GRID1: variants seen among roughly 807,000 people sequenced by gnomAD.
GRID1 encodes glutamate ionotropic receptor delta type subunit 1.
Under a neutral mutation model 98.0 loss-of-function variants are expected in GRID1, and 28 were observed. That is an observed-to-expected ratio of 0.29 (90% CI 0.21 to 0.39). The LOEUF (loss-of-function observed/expected upper bound fraction) is 0.39, where lower values mean the gene tolerates loss of function less well. GRID1 is among the 10% of genes least tolerant of loss of function. GRID1 has a pLI of 1.00. For synonymous variants in GRID1, 553 were observed against 538.5 expected (o/e 1.03, Z -0.37); for missense variants, 1,111 against 1,340.5 (o/e 0.83, Z 2.67).
intron 8 of GRID1, among the ~76,000 whole-genome samples, chr10:85,787,387 A>G (rs1842439175): frequency 6.6e-6 from 1 of 152,148 alleles, no homozygotes; most frequent in Non-Finnish European, 1.5e-5. Context: ...GACCCAGTTC[A>G]TAAGAGGTCC....
intron 4 of GRID1, among the ~76,000 whole-genome samples, chr10:85,943,973 T>C (rs1842025304): frequency 6.6e-6 from 1 of 152,234 alleles, no homozygotes; most frequent in Non-Finnish European, 1.5e-5. Context: ...CACTGGGGCT[T>C]GTCCTATCTT....
intron 12 of GRID1, among the ~76,000 whole-genome samples, chr10:85,705,884 A>G (rs1841510760): frequency 1.3e-5 from 2 of 152,240 alleles, no homozygotes. Flanking sequence ...CAATAGATGC[A>G]GAAAAGGCCT....
intron 4 of GRID1, among the ~76,000 whole-genome samples, chr10:86,052,789 A>C (rs889182465): frequency 2.0e-5 from 3 of 152,256 alleles, no homozygotes; most frequent in Non-Finnish European, 4.4e-5. Context: ...AAGGCATACA[A>C]TTATACACCA....
chr10:86,208,059 T>C (rs1413995066), intron 2 of GRID1, among the ~76,000 whole-genome samples: 2 of 151,970 alleles, frequency 1.3e-5, no homozygotes, highest in African/African-American at 4.8e-5. Context: ...ATGCCTCAGA[T>C]AAGGCTGGGA....
intron 8 of GRID1, among the ~76,000 whole-genome samples, chr10:85,767,122 C>T (rs760770132): frequency 4.6e-5 from 7 of 152,130 alleles, no homozygotes; most frequent in Middle Eastern, 3.2e-3. Flanking sequence ...TCCCAGAACT[C>T]GAGATCAGGA....
chr10:86,196,765 T>G (rs1464330047), intron 3 of GRID1, among the ~76,000 whole-genome samples: 2 of 152,074 alleles, frequency 1.3e-5, no homozygotes, highest in Non-Finnish European at 2.9e-5. Context: ...AGGAGGAAGG[T>G]ATAGACAGAA....
chr10:85,982,535 C>T (rs768597290), intron 4 of GRID1, among the ~76,000 whole-genome samples: 6 of 152,086 alleles, frequency 3.9e-5, no homozygotes, highest in African/African-American at 7.2e-5. Flanking sequence ...GGGAGTATTG[C>T]GGGAGTATTG....
At chr10:86,023,696 T>C (rs1843079440) in intron 4 of GRID1, among the ~76,000 whole-genome samples, 1 of 152,138 alleles carries the variant, frequency 6.6e-6, no homozygotes. Context: ...TCCTGACTTC[T>C]TGTGCTCCCT....
intron 5 of GRID1, among the ~76,000 whole-genome samples, chr10:85,891,341 T>C (rs1168137925): frequency 6.6e-6 from 1 of 152,170 alleles, no homozygotes; most frequent in Non-Finnish European, 1.5e-5. Flanking sequence ...TTCTGGAGTT[T>C]ATAGCCCTGT....
At chr10:86,317,622 G>A (rs1445309989) in intron 2 of GRID1, among the ~76,000 whole-genome samples, 5 of 152,138 alleles carry the variant, frequency 3.3e-5, no homozygotes, top group South Asian at 4.1e-4. Flanking sequence ...CCCTACACTC[G>A]ATTCTCTCAG....
chr10:86,363,036 G>T (rs557372585), intron 2 of GRID1, among the ~76,000 whole-genome samples: 1 of 152,404 alleles, frequency 6.6e-6, no homozygotes, highest in East Asian at 1.9e-4. Context: ...CTTAAGCCGG[G>T]TAAGTGTCAG....
intron 13 of GRID1, among the ~76,000 whole-genome samples, chr10:85,634,007 A>T (rs1290377202): frequency 6.6e-6 from 1 of 152,074 alleles, no homozygotes; most frequent in Non-Finnish European, 1.5e-5. Flanking sequence ...CCCTGTCTCT[A>T]CTAAAAACAC....
chr10:85,682,853 T>G (rs1019802105), intron 12 of GRID1, among the ~76,000 whole-genome samples: 5 of 152,212 alleles, frequency 3.3e-5, no homozygotes, highest in African/African-American at 1.2e-4. Context: ...AGCCTGCCTG[T>G]TGTGAGAATC....
At chr10:85,876,648 C>G (rs1166685276) in intron 5 of GRID1, among the ~76,000 whole-genome samples, 2 of 152,144 alleles carry the variant, frequency 1.3e-5, no homozygotes, top group African/African-American at 4.8e-5. Context: ...TGAATAGGAA[C>G]AGCTCCGGTC....
At chr10:85,876,913 G>T (rs138760469) in intron 5 of GRID1, among the ~76,000 whole-genome samples, 4 of 152,208 alleles carry the variant, frequency 2.6e-5, no homozygotes, top group Admixed American at 2.6e-4. Flanking sequence ...CCAATACTGC[G>T]CTTTTCCAAT....
rs373355581 is a variant in GRID1, at chr10:86,143,817, G to A, written c.521-4793C>T. Among the ~76,000 whole-genome samples, 11 of 152,334 alleles carry A rather than the reference G, an allele frequency of 7.2e-5. No individual in the cohort carries two copies. The South Asian group carries it at 1.7e-3, about 23-fold the overall frequency. On this transcript the variant is annotated intron_variant, in intron 3 of 15. Coordinates refer to ENST00000327946, the MANE Select transcript of GRID1 (RefSeq NM_017551.3). ...GGAGCTCCCTAGAGAGGAGTCCTGC[G>A]CCTTAGAGAAAGGAGGCAGCTCGGG...
At chr10:85,924,071 C>T (rs1472187784) in intron 4 of GRID1, among the ~76,000 whole-genome samples, 1 of 152,196 alleles carries the variant, frequency 6.6e-6, no homozygotes, top group Non-Finnish European at 1.5e-5. Context: ...TGGGACACAG[C>T]ACCTGGCAGA....
At chr10:85,981,829 C>G (rs1488411132) in intron 4 of GRID1, among the ~76,000 whole-genome samples, 1 of 152,152 alleles carries the variant, frequency 6.6e-6, no homozygotes, top group African/African-American at 2.4e-5. Context: ...ACCCACTTAA[C>G]ATATGAAACA....
At chr10:86,106,697 G>T (rs1039353522) in intron 4 of GRID1, among the ~76,000 whole-genome samples, 3 of 152,118 alleles carry the variant, frequency 2.0e-5, no homozygotes, top group African/African-American at 7.2e-5. Context: ...AGATGATCAG[G>T]AATGTGCAGT....
Sources: allele counts gnomAD v4.1 joint callset (sites outside exome capture counted in the v4.1 genomes callset), GRCh38; gene constraint gnomAD v4.1.1; transcripts MANE v1.5; gene names NCBI Gene and HGNC (gene_info 2026-07-23, HGNC 2026-07-21).